Variants in ADGRL2 observed in about 807,000 individuals in gnomAD.
ADGRL2 encodes the protein adhesion G protein-coupled receptor L2.
ADGRL2 carries 44 observed loss-of-function variants against 157.4 expected under a neutral mutation model. That is an observed-to-expected ratio of 0.28 (90% CI 0.22 to 0.36). The LOEUF (loss-of-function observed/expected upper bound fraction) is 0.36, where lower values mean the gene tolerates loss of function less well. Among genes scored for constraint, ADGRL2 ranks in the 10% least tolerant of loss-of-function variants. The pLI, the probability that ADGRL2 is intolerant of heterozygous loss-of-function variation, is 1.00. For missense variants in ADGRL2, 1,510 were observed against 1,768.9 expected, an observed-to-expected ratio of 0.85 and a Z score of 2.63; for synonymous variants, 585 against 624.7, an observed-to-expected ratio of 0.94 and a Z score of 0.95.
At chr1:81,641,940 C>A (rs888291298) in intron 3 of ADGRL2, among the ~76,000 whole-genome samples, 25 of 151,786 alleles carry the variant, frequency 1.6e-4, no homozygotes, top group African/African-American at 5.8e-4. Flanking sequence ...TGTAATTGGA[C>A]TAACTAGGGA....
At chr1:81,691,878 G>GTATATATATATATATATATATA (rs755115574) in intron 3 of ADGRL2, among the ~76,000 whole-genome samples, 3,174 of 121,350 alleles carry the variant, frequency 0.026, 89 homozygotes, top group Admixed American at 0.04. Flanking sequence ...GTGTGTGTGT[G>GTATATATATATATATATATATA]TGTATATATA....
intron 1 of ADGRL2, chr1:81,722,758 G>T: frequency 2.4e-6 from 2 of 824,196 alleles, no homozygotes; most frequent in South Asian, 2.7e-5. Flanking sequence ...GAAGGCTCAA[G>T]AAGAGCATGA....
At chr1:81,551,686 A>G (rs1228197921) in intron 2 of ADGRL2, among the ~76,000 whole-genome samples, 2 of 152,192 alleles carry the variant, frequency 1.3e-5, no homozygotes, top group Admixed American at 6.5e-5. Context: ...GTTGAAAAAA[A>G]TAGGAAATTA....
chr1:81,555,579 C>T (rs1215131922), intron 2 of ADGRL2, among the ~76,000 whole-genome samples: 1 of 152,080 alleles, frequency 6.6e-6, no homozygotes, highest in Non-Finnish European at 1.5e-5. Context: ...CTGATAGTCT[C>T]TACTTCTTAT....
chr1:81,464,594 G>A (rs79767132), intron 2 of ADGRL2, among the ~76,000 whole-genome samples: 1 of 152,094 alleles, frequency 6.6e-6, no homozygotes, highest in African/African-American at 2.4e-5. Flanking sequence ...CATCATAATG[G>A]ACTTGATAAT....
chr1:81,811,237 A>G (rs926658233), intron 1 of ADGRL2, among the ~76,000 whole-genome samples: 3 of 151,874 alleles, frequency 2.0e-5, no homozygotes, highest in Non-Finnish European at 2.9e-5. Context: ...ATACCTCAGT[A>G]TGATATTTCT....
At chr1:81,509,190 A>T (rs2079032144) in intron 2 of ADGRL2, among the ~76,000 whole-genome samples, 1 of 152,174 alleles carries the variant, frequency 6.6e-6, no homozygotes, top group African/African-American at 2.4e-5. Flanking sequence ...ATCAATGCAC[A>T]GAAACTCACA....
intron 1 of ADGRL2, among the ~76,000 whole-genome samples, chr1:81,434,658 T>G (rs2101637620): frequency 6.6e-6 from 1 of 152,330 alleles, no homozygotes; most frequent in South Asian, 2.1e-4. Context: ...AGGTTGACAT[T>G]ATGATTTATT....
intron 3 of ADGRL2, among the ~76,000 whole-genome samples, chr1:81,917,045 C>A (rs1254286043): frequency 5.9e-5 from 9 of 151,864 alleles, no homozygotes; most frequent in African/African-American, 1.9e-4. Flanking sequence ...GTTGCCCAGG[C>A]AGATCTTGAA....
chr1:81,722,228 G>A, intron 1 of ADGRL2: 1 of 387,050 alleles, frequency 2.6e-6, no homozygotes, highest in South Asian at 2.1e-5. Flanking sequence ...GGGAGGCGGA[G>A]CTTGCAGTGA....
chr1:81,672,214 A>G (rs1293909858), intron 3 of ADGRL2, among the ~76,000 whole-genome samples: 1 of 152,196 alleles, frequency 6.6e-6, no homozygotes, highest in Non-Finnish European at 1.5e-5. Context: ...TACCTATTAG[A>G]GCCAATGGAA....
intron 2 of ADGRL2, among the ~76,000 whole-genome samples, chr1:81,572,944 T>C (rs2080725380): frequency 1.3e-5 from 2 of 151,160 alleles, no homozygotes; most frequent in Non-Finnish European, 1.5e-5. Context: ...GGGAACGTAG[T>C]TTGACAAATA....
chr1:81,520,740 T>C (rs1475004055), intron 2 of ADGRL2, among the ~76,000 whole-genome samples: 2 of 152,194 alleles, frequency 1.3e-5, no homozygotes, highest in African/African-American at 4.8e-5. Flanking sequence ...TAAACCTCTT[T>C]CCTTTACAAA....
chr1:81,708,766 A>G (rs978121626), intron 1 of ADGRL2, among the ~76,000 whole-genome samples: 1 of 151,970 alleles, frequency 6.6e-6, no homozygotes, highest in East Asian at 1.9e-4. Context: ...ATGTGATCAC[A>G]TTTTATTTAT....
At chr1:81,373,201 T>C (rs2076190407) in intron 1 of ADGRL2, among the ~76,000 whole-genome samples, 1 of 152,190 alleles carries the variant, frequency 6.6e-6, no homozygotes, top group African/African-American at 2.4e-5. Flanking sequence ...GTTGATAACA[T>C]TGAATAAATG....
At chr1:81,904,076 T>A (rs952846121) in intron 2 of ADGRL2, among the ~76,000 whole-genome samples, 3 of 152,038 alleles carry the variant, frequency 2.0e-5, no homozygotes, top group African/African-American at 4.8e-5. Flanking sequence ...GGAAAGCACA[T>A]TGCAATTTAT....
intron 3 of ADGRL2, among the ~76,000 whole-genome samples, chr1:81,607,213 C>T (rs999933936): frequency 4.6e-5 from 7 of 152,134 alleles, no homozygotes; most frequent in Non-Finnish European, 1.0e-4. Flanking sequence ...TTTCCCTAAA[C>T]GCAACATTGG....
At chr1:81,603,965 CTTTTTTTTTTTTTT>C (rs35950804) in intron 3 of ADGRL2, among the ~76,000 whole-genome samples, 2 of 131,928 alleles carry the variant, frequency 1.5e-5, no homozygotes, top group African/African-American at 5.5e-5. Flanking sequence ...ATATCTTTTT[CTTTTTTTTTTTTTT>C]TTGAGCCAGA....
intron 3 of ADGRL2, among the ~76,000 whole-genome samples, chr1:81,650,547 G>A (rs2082396740): frequency 6.9e-6 from 1 of 144,260 alleles, no homozygotes; most frequent in Non-Finnish European, 1.5e-5. Context: ...CTGCACTCTA[G>A]CCTGGCAACA....
Sources: allele counts gnomAD v4.1 joint callset (sites outside exome capture counted in the v4.1 genomes callset), GRCh38; gene constraint gnomAD v4.1.1; transcripts MANE v1.5; gene names NCBI Gene and HGNC (gene_info 2026-07-23, HGNC 2026-07-21).